Variants in BMPER observed in about 807,000 individuals in gnomAD.
BMPER encodes the protein BMP-binding endothelial regulator protein.
Under a neutral mutation model 87.3 loss-of-function variants are expected in BMPER, and 45 were observed. The ratio of observed to expected loss-of-function variants is 0.52; its 90% CI spans 0.41 to 0.66. The LOEUF (loss-of-function observed/expected upper bound fraction) is 0.66. BMPER is among the 30% of genes least tolerant of loss of function. The probability of loss-of-function intolerance (pLI) is 0.00; values close to 1 mark genes in which losing one functional copy is unlikely to be tolerated. For missense variants in BMPER, 784 were observed against 867.5 expected (o/e 0.90, Z 1.21); for synonymous variants, 326 against 316.2 (o/e 1.03, Z -0.33).
chr7:34,007,934 G>T (rs1786779696), intron 6 of BMPER, among the ~76,000 whole-genome samples: 1 of 151,894 alleles, frequency 6.6e-6, no homozygotes, highest in Non-Finnish European at 1.5e-5. Context: ...GTGTATCAGG[G>T]TGCCTGATGG....
At chr7:33,940,336 G>A (rs143886601) in intron 3 of BMPER, among the ~76,000 whole-genome samples, 56 of 152,190 alleles carry the variant, frequency 3.7e-4, no homozygotes, top group Non-Finnish European at 5.0e-4. Context: ...TCATTTGGTC[G>A]TTTCTGACCA....
chr7:34,013,510 A>G (rs1786937947), intron 6 of BMPER, among the ~76,000 whole-genome samples: 1 of 151,964 alleles, frequency 6.6e-6, no homozygotes, highest in Non-Finnish European at 1.5e-5. Flanking sequence ...TTTTAAAAAT[A>G]GCTCTCTTGA....
At position 34,111,716 on chromosome 7, in the gene BMPER, CT is replaced by C. The variant is rs77758212; in HGVS notation, c.1745+25633del. 0.027 allele frequency among the ~76,000 whole-genome samples: 4,118 copies of C among 151,834 alleles called. 262 individuals are homozygous for C. The East Asian group carries it at 0.27, about 10-fold the overall frequency. ...CTGAAATGAATCTAAAAGAAAACAT[CT>C]TTTTTTTTATTTTGAGATGGAGTTT... On this transcript the variant is annotated intron_variant, in intron 13 of 14. Coordinates refer to ENST00000649409, the MANE Select transcript of BMPER (RefSeq NM_001365308.1).
chr7:33,953,437 G>A (rs1440540081), intron 3 of BMPER, among the ~76,000 whole-genome samples: 1 of 152,186 alleles, frequency 6.6e-6, no homozygotes, highest in African/African-American at 2.4e-5. Context: ...GACCTTGGCC[G>A]AGACATTTCT....
chr7:33,946,596 A>G (rs1328285092), intron 3 of BMPER, among the ~76,000 whole-genome samples: 1 of 152,234 alleles, frequency 6.6e-6, no homozygotes, highest in Admixed American at 6.5e-5. Context: ...CTTGAATTAA[A>G]CAAATCTGAT....
intron 6 of BMPER, among the ~76,000 whole-genome samples, chr7:34,012,027 C>T (rs1786896057): frequency 6.6e-6 from 1 of 151,792 alleles, no homozygotes; most frequent in Admixed American, 6.6e-5. Flanking sequence ...CAAATGAAAT[C>T]TGCAAATTAT....
intron 6 of BMPER, chr7:34,042,916 C>G (rs762381122): frequency 2.0e-5 from 3 of 151,938 alleles, no homozygotes; most frequent in Non-Finnish European, 2.9e-5. Context: ...GCAACAGAGA[C>G]ATAGAAAGAT....
At position 33,989,515 on chromosome 7, in the gene BMPER, G is replaced by A. The variant is rs553605088; in HGVS notation, c.576+14731G>A. ...AGTTCATTGTAGATTCTGGATATTAGCCCTTTGTCAGATGAGTAGGTTGCG... is the reference window on the plus strand; with the variant it reads ...AGTTCATTGTAGATTCTGGATATTAACCCTTTGTCAGATGAGTAGGTTGCG... On this transcript the variant is annotated intron_variant, in intron 6 of 14. Transcript: ENST00000649409. 7.5e-3 allele frequency among the ~76,000 whole-genome samples: 1,140 copies of A among 152,020 alleles called. 18 individuals carry two copies. The highest frequency in any genetic ancestry group is 0.026 in the African/African-American group (1,091 of 41,490).
At chr7:33,926,319 A>G (rs1023789116) in intron 2 of BMPER, among the ~76,000 whole-genome samples, 1 of 152,182 alleles carries the variant, frequency 6.6e-6, no homozygotes, top group African/African-American at 2.4e-5. Context: ...TTTCTGCAGA[A>G]ATTTTTGCCT....
intron 6 of BMPER, among the ~76,000 whole-genome samples, chr7:34,021,469 C>A (rs188640779): frequency 2.6e-5 from 4 of 151,946 alleles, no homozygotes; most frequent in Non-Finnish European, 5.9e-5. Context: ...AGGTTTAAAG[C>A]GAGATACTTT....
At chr7:34,002,663 C>T (rs78305468) in intron 6 of BMPER, among the ~76,000 whole-genome samples, 2,998 of 151,750 alleles carry the variant, frequency 0.02, 92 homozygotes, top group African/African-American at 0.068. Flanking sequence ...TTCTTCAATT[C>T]TTTCAGTTTT....
At chr7:33,932,687 C>T (rs1191517640) in intron 2 of BMPER, among the ~76,000 whole-genome samples, 1 of 152,156 alleles carries the variant, frequency 6.6e-6, no homozygotes, top group African/African-American at 2.4e-5. Context: ...CTACCCTCAT[C>T]ATATTAGCTG....
chr7:33,962,804 T>C (rs1785304631), intron 3 of BMPER, among the ~76,000 whole-genome samples: 1 of 152,138 alleles, frequency 6.6e-6, no homozygotes, highest in South Asian at 2.1e-4. Flanking sequence ...GAGTTTCTTT[T>C]AAATATTTAA....
intron 3 of BMPER, among the ~76,000 whole-genome samples, chr7:33,942,063 A>G (rs1055885240): frequency 6.6e-6 from 1 of 152,110 alleles, no homozygotes; most frequent in Non-Finnish European, 1.5e-5. Context: ...ATCAGCAAGC[A>G]TATGGGAAGG....
intron 2 of BMPER, among the ~76,000 whole-genome samples, chr7:33,926,564 A>G (rs1327435758): frequency 6.6e-6 from 1 of 152,322 alleles, no homozygotes; most frequent in East Asian, 1.9e-4. Flanking sequence ...GCTTTCTTTG[A>G]TGGTTTAATG....
intron 11 of BMPER, among the ~76,000 whole-genome samples, chr7:34,078,030 C>T (rs2127973458): frequency 6.6e-6 from 1 of 152,170 alleles, no homozygotes; most frequent in South Asian, 2.1e-4. Flanking sequence ...AAACCAACGC[C>T]AAGATTTGTT....
At chr7:34,084,326 A>G (rs555413445) in intron 12 of BMPER, among the ~76,000 whole-genome samples, 1 of 152,314 alleles carries the variant, frequency 6.6e-6, no homozygotes, top group Admixed American at 6.5e-5. Flanking sequence ...ACACATGGCC[A>G]CACGGGGTAA....
chr7:33,966,414 C>T, intron 3 of BMPER, 65 bp from the exon 4 acceptor site: 1 of 1,404,610 alleles, frequency 7.1e-7, no homozygotes. Flanking sequence ...TATTTTGCTC[C>T]AAAAGGTAAA....
intron 2 of BMPER, among the ~76,000 whole-genome samples, chr7:33,933,785 A>T (rs1330233656): frequency 6.6e-6 from 1 of 152,076 alleles, no homozygotes; most frequent in Non-Finnish European, 1.5e-5. Flanking sequence ...CAGGATCATT[A>T]TTTTGTTCTC....
Sources: allele counts gnomAD v4.1 joint callset (sites outside exome capture counted in the v4.1 genomes callset), GRCh38; gene constraint gnomAD v4.1.1; transcripts MANE v1.5; gene names NCBI Gene and HGNC (gene_info 2026-07-23, HGNC 2026-07-21).